FTO: variants seen among roughly 807,000 people sequenced by gnomAD.
The protein encoded by FTO is alpha-ketoglutarate-dependent dioxygenase FTO.
FTO carries 47 observed loss-of-function variants against 63.9 expected under a neutral mutation model. The ratio of observed to expected loss-of-function variants is 0.74; its 90% CI spans 0.58 to 0.94. The LOEUF is 0.94. Ranked by LOEUF, FTO falls within the 40% of genes least tolerant of loss-of-function variation. The pLI is 0.00. For synonymous variants in FTO, 207 were observed against 224.4 expected (o/e 0.92, Z 0.69); for missense variants, 562 against 618.1 (o/e 0.91, Z 0.96).
In FTO at chr16:53,716,411, G is replaced by C. The variant is rs559525292; in HGVS notation, c.45+12182G>C. On this transcript the variant is annotated intron_variant, in intron 1 of 8. Coordinates refer to ENST00000471389, the MANE Select transcript of FTO (RefSeq NM_001080432.3). ...AGTTTATGAGGAGAAACTGTAGCCT[G>C]TGGTGGTTAAGAACGTGGAATCCTT... 5.3e-5 allele frequency among the ~76,000 whole-genome samples: 8 copies of C among 152,268 alleles called. No homozygotes were observed. In the East Asian group the frequency reaches 1.5e-3, roughly 29 times the overall value.
chr16:54,013,514 G>T, intron 8 of FTO: 1 of 152,370 alleles, frequency 6.6e-6, no homozygotes. Context: ...GTAAAATTGT[G>T]AGTAAAATGC....
intron 8 of FTO, among the ~76,000 whole-genome samples, chr16:54,018,728 A>C (rs1165672412): frequency 1.3e-5 from 2 of 152,124 alleles, no homozygotes; most frequent in African/African-American, 4.8e-5. Context: ...TCCTGCTGTC[A>C]TGTGAAGAAG....
intron 8 of FTO, among the ~76,000 whole-genome samples, chr16:53,974,171 G>T (rs2083387930): frequency 6.6e-6 from 1 of 152,104 alleles, no homozygotes; most frequent in African/African-American, 2.4e-5. Flanking sequence ...CTTGCGGTGA[G>T]ACCTCAGACA....
At chr16:53,732,626 A>G (rs1469417191) in intron 1 of FTO, among the ~76,000 whole-genome samples, 1 of 152,168 alleles carries the variant, frequency 6.6e-6, no homozygotes, top group Non-Finnish European at 1.5e-5. Context: ...CTAAAATGTG[A>G]TGACCCACTT....
intron 1 of FTO, among the ~76,000 whole-genome samples, chr16:53,783,604 T>TATCCAAA (rs397716766): frequency 1.5e-5 from 1 of 68,146 alleles, no homozygotes; most frequent in Non-Finnish European, 2.7e-5. Context: ...CAAGACTCCA[T>TATCCAAA]AAAAAAAAAA....
At chr16:53,885,870 T>C (rs2080983175) in intron 6 of FTO, among the ~76,000 whole-genome samples, 1 of 152,114 alleles carries the variant, frequency 6.6e-6, no homozygotes, top group Admixed American at 6.5e-5. Context: ...GCCTCAGCCA[T>C]CTAAGTAGCT....
At chr16:53,854,356 G>A (rs981368317) in intron 4 of FTO, among the ~76,000 whole-genome samples, 1 of 151,842 alleles carries the variant, frequency 6.6e-6, no homozygotes, top group African/African-American at 2.4e-5. Flanking sequence ...TTGCTTTTGG[G>A]GTCCTATTCA....
rs540226937 is a variant in FTO, at chr16:53,854,906, A to G, written c.895+10608A>G. ...CATTTTCATGATATTGATTCTTCCA[A>G]TCCGTGAGTATGGGATGTATTTCTA... On this transcript the variant is annotated intron_variant, in intron 4 of 8. Coordinates refer to ENST00000471389, the MANE Select transcript of FTO (RefSeq NM_001080432.3). Among the ~76,000 whole-genome samples the G allele has an allele frequency of 7.2e-5, 11 of 152,166 alleles. No individual in the cohort carries two copies. In the South Asian group the frequency reaches 1.9e-3, roughly 26 times the overall value.
At chr16:53,877,978 A>C (rs2080711314) in intron 5 of FTO, among the ~76,000 whole-genome samples, 1 of 152,220 alleles carries the variant, frequency 6.6e-6, no homozygotes, top group Admixed American at 6.5e-5. Context: ...GCAAGTAGGG[A>C]AACTTTCTAG....
At chr16:53,785,585 GGAGA>G in intron 1 of FTO, among the ~76,000 whole-genome samples, 1 of 152,200 alleles carries the variant, frequency 6.6e-6, no homozygotes, top group South Asian at 2.1e-4. Context: ...TGAGAATGGT[GGAGA>G]GAGAGATTTG....
At chr16:53,945,854 TG>T (rs951002872) in intron 8 of FTO, among the ~76,000 whole-genome samples, 55 of 152,322 alleles carry the variant, frequency 3.6e-4, no homozygotes, top group African/African-American at 1.3e-3. Context: ...CTGATTTCAG[TG>T]GGTGCCCTTA....
At chr16:53,978,843 A>G (rs1474081989) in intron 8 of FTO, among the ~76,000 whole-genome samples, 33 of 152,240 alleles carry the variant, frequency 2.2e-4, no homozygotes, top group Middle Eastern at 6.8e-3. Flanking sequence ...CTAAAAATAC[A>G]AAAATTAGCT....
chr16:53,792,321 A>G (rs1467410646), intron 1 of FTO, among the ~76,000 whole-genome samples: 1 of 152,192 alleles, frequency 6.6e-6, no homozygotes, highest in Non-Finnish European at 1.5e-5. Context: ...TGTTAAACTA[A>G]CATGTCATAT....
chr16:53,919,011 T>C (rs2081948631), intron 7 of FTO, among the ~76,000 whole-genome samples: 1 of 152,208 alleles, frequency 6.6e-6, no homozygotes, highest in Non-Finnish European at 1.5e-5. Flanking sequence ...TCAAATGAGA[T>C]GAAGTTAATG....
chr16:53,713,849 T>C (rs1166905502), intron 1 of FTO, among the ~76,000 whole-genome samples: 1 of 152,334 alleles, frequency 6.6e-6, no homozygotes, highest in African/African-American at 2.4e-5. Flanking sequence ...TCTTGTATAA[T>C]TGAAACTTTA....
In FTO at chr16:53,872,404, C is replaced by T. The variant is rs2080526218; in HGVS notation, c.896-1382C>T. Among the ~76,000 whole-genome samples the T allele has an allele frequency of 1.3e-5, 2 of 152,194 alleles. 1 individual carries two copies. Among genetic ancestry groups the T allele is most frequent in the South Asian group, 4.1e-4 (2 of 4,830 alleles). On this transcript the variant is annotated intron_variant, in intron 4 of 8. Transcript: ENST00000471389. ...TCGAGGCCCTGTGGCCTTGGCCTCC[C>T]TATACTCCAGTCTTTGTCTTCTCAA... is the stretch of plus-strand genomic sequence containing the variant.
intron 8 of FTO, among the ~76,000 whole-genome samples, chr16:53,941,489 T>C (rs2082527808): frequency 6.6e-6 from 1 of 152,230 alleles, no homozygotes. Flanking sequence ...TTTACATTTT[T>C]ATCTCTCCTA....
chr16:53,845,076 T>G (rs998373489), intron 4 of FTO, among the ~76,000 whole-genome samples: 25 of 152,208 alleles, frequency 1.6e-4, no homozygotes, highest in Admixed American at 1.5e-3. Context: ...TTTGTTTTTT[T>G]CTTCTTTGCT....
Position 53,768,428 on chromosome 16 carries a change from A to T in FTO, c.46-41712A>T, listed in dbSNP as rs538700817. Among the ~76,000 whole-genome samples, 305 of 152,348 alleles carry T rather than the reference A, an allele frequency of 2.0e-3. 2 individuals are homozygous for T. Among genetic ancestry groups the T allele is most frequent in the African/African-American group, 7.2e-3 (299 of 41,574 alleles). On this transcript the variant is annotated intron_variant, in intron 1 of 8. Transcript: ENST00000471389. ...TGATTCGGAAACATGACTGCTGGTC[A>T]ATTCGGCCTCCAGGGAGACAAAACT...
Sources: gnomAD v4.1 joint callset for allele counts (sites outside exome capture counted in the v4.1 genomes callset) on GRCh38, gnomAD v4.1.1 for gene constraint, MANE v1.5 for transcripts, NCBI Gene and HGNC (gene_info 2026-07-23, HGNC 2026-07-21) for gene names.